The following ADAMTS12 variants were observed in gnomAD, a reference collection of about 807,000 sequenced individuals.
ADAMTS12 encodes the protein ADAM metallopeptidase with thrombospondin type 1 motif 12.
ADAMTS12 carries 118 observed loss-of-function variants against 167.8 expected under a neutral mutation model. That is an observed-to-expected ratio of 0.70 (90% CI 0.61 to 0.82). The LOEUF is 0.82. Ranked by LOEUF, ADAMTS12 falls within the 40% of genes least tolerant of loss-of-function variation. ADAMTS12 has a pLI of 0.00. For synonymous variants in ADAMTS12, 704 were observed against 716.9 expected (o/e 0.98, Z 0.29); for missense variants, 1,916 against 1,998.8 (o/e 0.96, Z 0.79).
At chr5:33,617,646 C>A (rs1739094518) in intron 14 of ADAMTS12, among the ~76,000 whole-genome samples, 2 of 152,094 alleles carry the variant, frequency 1.3e-5, no homozygotes, top group African/African-American at 2.4e-5. Context: ...AAAATAAATG[C>A]CCTCCGAGTG....
At chr5:33,584,751 C>T (rs938416749) in intron 18 of ADAMTS12, among the ~76,000 whole-genome samples, 1 of 152,156 alleles carries the variant, frequency 6.6e-6, no homozygotes, top group East Asian at 1.9e-4. Context: ...ATTAGATTGC[C>T]AGGGCTGGAA....
chr5:33,640,704 A>G (rs1393559888), intron 11 of ADAMTS12, among the ~76,000 whole-genome samples: 1 of 152,072 alleles, frequency 6.6e-6, no homozygotes, highest in East Asian at 1.9e-4. Context: ...AATGTGGTAA[A>G]TGATAAAGAT....
At chr5:33,664,846 C>A (rs1012498905) in intron 5 of ADAMTS12, among the ~76,000 whole-genome samples, 20 of 152,126 alleles carry the variant, frequency 1.3e-4, no homozygotes, top group Non-Finnish European at 2.8e-4. Context: ...CTGCCATGTT[C>A]ACTGCAGAAT....
intron 3 of ADAMTS12, among the ~76,000 whole-genome samples, chr5:33,743,312 T>G (rs571395714): frequency 1.3e-5 from 2 of 152,236 alleles, no homozygotes; most frequent in Non-Finnish European, 2.9e-5. Context: ...GAAATGAGAC[T>G]GGAAGAATGC....
intron 16 of ADAMTS12, among the ~76,000 whole-genome samples, chr5:33,609,202 A>T (rs1738594004): frequency 6.6e-6 from 1 of 152,178 alleles, no homozygotes; most frequent in East Asian, 1.9e-4. Flanking sequence ...ACAAAAAATA[A>T]GTTTAGGTGG....
Position 33,576,809 on chromosome 5 carries a change from G to T in ADAMTS12, c.3217C>A (p.Gln1073Lys). 5 of 1,614,212 alleles carry T rather than the reference G, an allele frequency of 3.1e-6. No homozygotes were observed. The highest frequency in any genetic ancestry group is 4.2e-6 in the Non-Finnish European group (5 of 1,180,036). ...AGATAGCGAGAGCTCAGCTCAGGTT[G>T]GGTTGAGCTATCTTGCCACTGTTTC... Reference protein sequence around the residue: ...GGKQWQDSSTQPELSSRYLIS... With the variant: ...GGKQWQDSSTKPELSSRYLIS... The change falls in exon 19 of 24, where the codon CAA (glutamine) becomes AAA (lysine). Residue 1073 changes from glutamine to lysine, a missense_variant. By Grantham distance (53) the Gln-to-Lys change is moderately conservative. Coordinates refer to ENST00000504830, the MANE Select transcript of ADAMTS12 (RefSeq NM_030955.4).
At chr5:33,532,841 G>GA (rs2111742274) in intron 23 of ADAMTS12, among the ~76,000 whole-genome samples, 1 of 152,286 alleles carries the variant, frequency 6.6e-6, no homozygotes, top group African/African-American at 2.4e-5. Flanking sequence ...TGTTTATTGT[G>GA]AAAGCTGATT....
intron 7 of ADAMTS12, among the ~76,000 whole-genome samples, chr5:33,656,910 C>G (rs866432553): frequency 2.0e-5 from 3 of 152,324 alleles, no homozygotes; most frequent in African/African-American, 7.2e-5. Flanking sequence ...AAGCAAGTCA[C>G]TTAGCTTCTC....
intron 23 of ADAMTS12, among the ~76,000 whole-genome samples, chr5:33,530,659 C>T (rs1317774670): frequency 6.6e-6 from 1 of 152,194 alleles, no homozygotes; most frequent in Non-Finnish European, 1.5e-5. Flanking sequence ...CACAAAGCTT[C>T]TTCTGGCAGC....
intron 14 of ADAMTS12, 129 bp from the exon 15 acceptor site, chr5:33,616,201 G>A (rs940894209): frequency 1.6e-6 from 2 of 1,277,214 alleles, no homozygotes; most frequent in African/African-American, 3.0e-5. Context: ...GGTGGCCACT[G>A]GAATTGGCAG....
intron 2 of ADAMTS12, among the ~76,000 whole-genome samples, chr5:33,768,800 C>T (rs1474711497): frequency 6.6e-6 from 1 of 152,008 alleles, no homozygotes; most frequent in Non-Finnish European, 1.5e-5. Flanking sequence ...TCAAAATGCA[C>T]ATTGTTAAAT....
intron 2 of ADAMTS12, among the ~76,000 whole-genome samples, chr5:33,812,594 G>T (rs1048517050): frequency 2.6e-5 from 4 of 152,232 alleles, no homozygotes; most frequent in African/African-American, 4.8e-5. Context: ...CCTGGCTTTG[G>T]ACTTCATGTA....
At chr5:33,772,841 CT>C (rs1246801964) in intron 2 of ADAMTS12, among the ~76,000 whole-genome samples, 1 of 152,190 alleles carries the variant, frequency 6.6e-6, no homozygotes, top group Non-Finnish European at 1.5e-5. Flanking sequence ...TGGACCCTGC[CT>C]TCTAGACACA....
At chr5:33,767,163 A>C (rs920403751) in intron 2 of ADAMTS12, among the ~76,000 whole-genome samples, 4 of 152,204 alleles carry the variant, frequency 2.6e-5, no homozygotes, top group African/African-American at 9.6e-5. Context: ...TATAAACTTA[A>C]ATGAAAGAAA....
intron 3 of ADAMTS12, among the ~76,000 whole-genome samples, chr5:33,692,842 A>T (rs1742598927): frequency 6.6e-6 from 1 of 152,244 alleles, no homozygotes; most frequent in Admixed American, 6.5e-5. Context: ...TTTTCAGAGA[A>T]GTCATATATT....
chr5:33,546,267 G>T lies in ADAMTS12; in HGVS notation c.4303-65C>A, dbSNP rs377117812. Reference sequence around the variant, plus strand: ...GGAGACATGTTTAATGATAAGTGAAGAACTTCGTACTGTCATTTTTGTTAT... The same window carrying T: ...GGAGACATGTTTAATGATAAGTGAATAACTTCGTACTGTCATTTTTGTTAT... On this transcript the variant is annotated intron_variant, in intron 21 of 23. Transcript: ENST00000504830. 5.8e-5 allele frequency: 85 copies of T among 1,476,604 alleles called. 1 individual carries two copies. In the East Asian group the frequency reaches 7.5e-4, roughly 13 times the overall value. The allele number at this position is 1,476,604 out of a possible 1,614,324, so 91.5% of individuals were successfully genotyped here.
At chr5:33,768,085 C>G (rs908430326) in intron 2 of ADAMTS12, among the ~76,000 whole-genome samples, 14 of 152,208 alleles carry the variant, frequency 9.2e-5, no homozygotes, top group Admixed American at 9.2e-4. Context: ...GGGAGGCAAC[C>G]ATTCAGGCCG....
intron 6 of ADAMTS12, among the ~76,000 whole-genome samples, chr5:33,660,957 A>G (rs1741237327): frequency 6.6e-6 from 1 of 152,136 alleles, no homozygotes; most frequent in Non-Finnish European, 1.5e-5. Context: ...CCTTGTAGGG[A>G]TTCTATGCAT....
At chr5:33,585,686 C>T (rs1268887121) in intron 18 of ADAMTS12, among the ~76,000 whole-genome samples, 1 of 152,158 alleles carries the variant, frequency 6.6e-6, no homozygotes, top group East Asian at 1.9e-4. Context: ...TTTAAGTCCA[C>T]AAAGTAGGAT....
Sources: allele counts gnomAD v4.1 joint callset (sites outside exome capture counted in the v4.1 genomes callset), GRCh38; gene constraint gnomAD v4.1.1; transcripts MANE v1.5; gene names NCBI Gene and HGNC (gene_info 2026-07-23, HGNC 2026-07-21).